Variants in THSD7A observed in about 807,000 individuals in gnomAD.
THSD7A encodes the protein thrombospondin type 1 domain containing 7A, also known as thrombospondin type-1 domain-containing protein 7A.
Under a neutral mutation model 231.3 loss-of-function variants are expected in THSD7A, and 96 were observed. The observed-to-expected ratio is 0.41, with a 90% CI of 0.35 to 0.49. The LOEUF (loss-of-function observed/expected upper bound fraction) is 0.49, where lower values mean the gene tolerates loss of function less well. THSD7A is among the 20% of genes least tolerant of loss of function. The pLI is 0.05. For synonymous variants in THSD7A, 940 were observed against 743.3 expected (o/e 1.26, Z -4.30); for missense variants, 2,290 against 2,070.2 (o/e 1.11, Z -2.06).
intron 8 of THSD7A, among the ~76,000 whole-genome samples, chr7:11,470,257 C>T (rs528280268): frequency 4.3e-4 from 66 of 152,144 alleles, no homozygotes; most frequent in African/African-American, 1.6e-3. Context: ...AAATATAACA[C>T]TTATACCTTA....
Position 11,821,137 on chromosome 7 carries a change from A to C in THSD7A, c.190+10620T>G, listed in dbSNP as rs1784861362. The C allele has an allele frequency of 2.7e-6, 3 of 1,091,162 alleles. No individual in the cohort carries two copies. The Admixed American group carries it at 5.3e-5, about 19-fold the overall frequency. 67.6% of individuals were successfully genotyped at this position (1,091,162 alleles called of 1,614,324 possible). ...TGCCTCTTGCTCAGTTCCTCTATTT[A>C]GGTATTTAGTAAAGTGTTTATGTAA... On this transcript the variant is annotated intron_variant, in intron 1 of 27. Transcript: ENST00000423059.
At chr7:11,434,373 TACAA>T (rs1227033436) in intron 13 of THSD7A, among the ~76,000 whole-genome samples, 2 of 150,876 alleles carry the variant, frequency 1.3e-5, no homozygotes, top group African/African-American at 4.9e-5. Context: ...TTGAAATAAA[TACAA>T]AAGACTAGCA....
At chr7:11,379,371 T>C in intron 25 of THSD7A, 91 bp from the exon 26 acceptor site, 1 of 1,318,582 alleles carries the variant, frequency 7.6e-7, no homozygotes. Flanking sequence ...TTAAACAAGG[T>C]TTGTTTTGGG....
At chr7:11,475,699 T>A (rs927526245) in intron 7 of THSD7A, among the ~76,000 whole-genome samples, 1 of 150,098 alleles carries the variant, frequency 6.7e-6, no homozygotes, top group African/African-American at 2.4e-5. Context: ...ACTACCTGGT[T>A]ACTATAATTA....
At chr7:11,484,633 G>C (rs1285665439) in intron 6 of THSD7A, among the ~76,000 whole-genome samples, 2 of 152,128 alleles carry the variant, frequency 1.3e-5, no homozygotes, top group Non-Finnish European at 2.9e-5. Context: ...ACCTAGAATA[G>C]TGCCCGACAC....
At position 11,590,346 on chromosome 7, in the gene THSD7A, G is replaced by T; in HGVS notation, c.1453+114C>A. ...TACCATAGTGAATACCAACCACAAT[G>T]TGAACAGAAATGCAGCCCTCATAAC... On this transcript the variant is annotated intron_variant, in intron 4 of 27. Coordinates refer to ENST00000423059, the MANE Select transcript of THSD7A (RefSeq NM_015204.3). The surrounding 1 kb of genome is among the most constrained non-coding windows in gnomAD (Gnocchi z 4.4). The T allele has an allele frequency of 9.4e-7, 1 of 1,067,034 alleles. No homozygotes were observed. The highest frequency in any genetic ancestry group is 2.0e-5 in the South Asian group (1 of 50,230). 66.1% of individuals were successfully genotyped at this position (1,067,034 alleles called of 1,614,324 possible). A position where few individuals can be genotyped will look rare whatever the true frequency, so the allele number is the denominator to read the frequency against.
chr7:11,797,876 CTTAA>C (rs1433732862), intron 1 of THSD7A, among the ~76,000 whole-genome samples: 1 of 152,024 alleles, frequency 6.6e-6, no homozygotes, highest in Non-Finnish European at 1.5e-5. Context: ...TAATGTTTGA[CTTAA>C]TTAATACAGA....
chr7:11,662,302 T>C (rs941412219), intron 1 of THSD7A, among the ~76,000 whole-genome samples: 1 of 151,248 alleles, frequency 6.6e-6, no homozygotes, highest in Non-Finnish European at 1.5e-5. Context: ...AGACATTTAA[T>C]ACAGATTGGT....
chr7:11,556,769 C>T (rs1489894795), intron 4 of THSD7A, among the ~76,000 whole-genome samples: 1 of 151,996 alleles, frequency 6.6e-6, no homozygotes, highest in Non-Finnish European at 1.5e-5. Flanking sequence ...TTCTTTTCCT[C>T]TAGCACTTGA....
intron 1 of THSD7A, among the ~76,000 whole-genome samples, chr7:11,718,282 A>C (rs1490821228): frequency 6.6e-6 from 1 of 151,674 alleles, no homozygotes; most frequent in African/African-American, 2.4e-5. Context: ...AACAAATTTG[A>C]GTACATTTAA....
At chr7:11,436,919 A>G (rs1487057159) in intron 13 of THSD7A, among the ~76,000 whole-genome samples, 1 of 152,098 alleles carries the variant, frequency 6.6e-6, no homozygotes, top group African/African-American at 2.4e-5. Context: ...AGGAGAGTCA[A>G]TTTTGTTTTA....
In THSD7A at chr7:11,636,731, C is replaced by G. The variant is rs145194887; in HGVS notation, c.421G>C (p.Glu141Gln). The G allele has an allele frequency of 2.6e-5, 42 of 1,613,962 alleles. 1 individual carries two copies. The highest frequency in any genetic ancestry group is 5.0e-5 in the Admixed American group (3 of 60,008). ...QCQPVISKSL[E>Q]KPLECIKGEE... ...CCCTTAATGCACTCAAGAGGTTTCT[C>G]TAGGCTTTTTGAAATCACGGGCTGA... is the stretch of plus-strand genomic sequence containing the variant. The change falls in exon 2 of 28, where the codon GAG becomes CAG. Residue 141 changes from glutamate to glutamine, a missense_variant. Physicochemically the swap from Glu to Gln is conservative, Grantham distance 29. Transcript: ENST00000423059. The surrounding 1 kb of genome is among the most constrained non-coding windows in gnomAD (Gnocchi z 10.0).
chr7:11,740,396 T>A (rs1782072054), intron 1 of THSD7A, among the ~76,000 whole-genome samples: 2 of 151,972 alleles, frequency 1.3e-5, no homozygotes, highest in Non-Finnish European at 2.9e-5. Flanking sequence ...AAATGAAGAT[T>A]GTGTCAATCT....
In THSD7A at chr7:11,446,210, C is replaced by T; in HGVS notation, c.2915G>A (p.Cys972Tyr). The change falls in exon 13 of 28, where the codon TGT becomes TAT. Residue 972 changes from cysteine (C) to tyrosine (Y), a missense_variant. By Grantham distance (194) the Cys-to-Tyr change is radical (BLOSUM62 -2). Coordinates refer to ENST00000423059, the MANE Select transcript of THSD7A (RefSeq NM_015204.3). The surrounding 1 kb of genome is among the most constrained non-coding windows in gnomAD (Gnocchi z 4.0). ...TTCCACTTTTCCCTCTGGTAAAATA[C>T]AGTCTGACCAGTTCCCCACAGGTTG... ...NAQPVGNWSD[C>Y]ILPEGKVEVL... 1 of 1,613,534 alleles carries T rather than the reference C, an allele frequency of 6.2e-7. No individual in the cohort carries two copies. Among genetic ancestry groups the T allele is most frequent in the Non-Finnish European group, 8.5e-7 (1 of 1,179,650 alleles).
chr7:11,636,738 T>G lies in THSD7A; in HGVS notation c.414A>C (p.Lys138Asn), dbSNP rs1426089012. The G allele has an allele frequency of 6.2e-7, 1 of 1,613,998 alleles. No individual in the cohort carries two copies. Among genetic ancestry groups the G allele is most frequent in the Non-Finnish European group, 8.5e-7 (1 of 1,179,890 alleles). ...TGCACTCAAGAGGTTTCTCTAGGCT[T>G]TTTGAAATCACGGGCTGACACTGAT... Reference protein sequence around the residue: ...PWNQCQPVISKSLEKPLECIK... With the variant: ...PWNQCQPVISNSLEKPLECIK... Residue 138 changes from lysine to asparagine, a missense_variant, in exon 2 of 28, where the codon AAA (lysine) becomes AAC (asparagine). Lys to Asn is a moderately conservative substitution (Grantham distance 94). Transcript: ENST00000423059. This position sits in a 1 kb window ranked among gnomAD's most constrained non-coding sequence, Gnocchi z 10.0.
At chr7:11,604,939 T>C (rs1780683993) in intron 2 of THSD7A, among the ~76,000 whole-genome samples, 1 of 151,946 alleles carries the variant, frequency 6.6e-6, no homozygotes, top group African/African-American at 2.4e-5. Context: ...CAGGAGTAGA[T>C]GAGCGCTCAC....
chr7:11,538,592 G>C (rs1376012932), intron 6 of THSD7A, among the ~76,000 whole-genome samples: 1 of 152,118 alleles, frequency 6.6e-6, no homozygotes, highest in African/African-American at 2.4e-5. Context: ...ACAGATCTTT[G>C]GAGTAGGTTC....
At chr7:11,744,929 A>G (rs1424361898) in intron 1 of THSD7A, among the ~76,000 whole-genome samples, 1 of 152,048 alleles carries the variant, frequency 6.6e-6, no homozygotes, top group African/African-American at 2.4e-5. Flanking sequence ...TTATAGCAGC[A>G]TGTTTTATAA....
chr7:11,527,414 C>G (rs966956662), intron 6 of THSD7A, among the ~76,000 whole-genome samples: 1 of 152,022 alleles, frequency 6.6e-6, no homozygotes, highest in Non-Finnish European at 1.5e-5. Context: ...TGTTGAGGCA[C>G]TTTAGCCACT....
Sources: allele counts gnomAD v4.1 joint callset (sites outside exome capture counted in the v4.1 genomes callset), GRCh38; gene constraint gnomAD v4.1.1; non-coding constraint Gnocchi (gnomAD v3.1); transcripts MANE v1.5; gene names NCBI Gene and HGNC (gene_info 2026-07-23, HGNC 2026-07-21).